SEMA3D: variants seen among roughly 807,000 people sequenced by gnomAD.
The protein encoded by SEMA3D is semaphorin-3D.
SEMA3D carries 84 observed loss-of-function variants against 100.1 expected under a neutral mutation model. The observed-to-expected ratio is 0.84, with a 90% confidence interval of 0.70 to 1.01. SEMA3D has a LOEUF of 1.01. Ranked by LOEUF, SEMA3D falls within the 50% of genes least tolerant of loss-of-function variation. The probability of loss-of-function intolerance (pLI) is 0.00; values close to 1 mark genes in which losing one functional copy is unlikely to be tolerated. For synonymous variants in SEMA3D, 312 were observed against 320.7 expected, an observed-to-expected ratio of 0.97 and a Z score of 0.29; for missense variants, 875 against 934.1, an observed-to-expected ratio of 0.94 and a Z score of 0.82.
intron 3 of SEMA3D, among the ~76,000 whole-genome samples, chr7:85,118,473 T>G (rs1307664124): frequency 6.6e-6 from 1 of 152,062 alleles, no homozygotes; most frequent in Non-Finnish European, 1.5e-5. Context: ...TGGGTTTTCT[T>G]ATTTTAAAAA....
the SEMA3D span, among the ~76,000 whole-genome samples, chr7:85,233,697 G>A: frequency 1.3e-5 from 2 of 152,158 alleles, no homozygotes; most frequent in Non-Finnish European, 2.9e-5. Flanking sequence ...AGATCAGTCT[G>A]GTTTTACTAG....
At chr7:85,162,534 A>G (rs964301047) in intron 1 of SEMA3D, among the ~76,000 whole-genome samples, 3 of 152,168 alleles carry the variant, frequency 2.0e-5, no homozygotes, top group Admixed American at 2.0e-4. Context: ...GACATGTCAT[A>G]GTTGATTAAA....
chr7:85,023,887 T>C (rs57608741), intron 12 of SEMA3D, among the ~76,000 whole-genome samples: 7,902 of 151,990 alleles, frequency 0.052, 693 homozygotes, highest in African/African-American at 0.18. Flanking sequence ...AATATCTTTA[T>C]CTTTAACAAA....
chr7:85,002,171 A>C (rs1789672156), intron 18 of SEMA3D, among the ~76,000 whole-genome samples: 1 of 151,986 alleles, frequency 6.6e-6, no homozygotes, highest in African/African-American at 2.4e-5. Flanking sequence ...AGGACTCAGG[A>C]TTCCATAAAC....
chr7:85,054,235 A>G (rs78157024), intron 9 of SEMA3D, among the ~76,000 whole-genome samples: 1 of 152,032 alleles, frequency 6.6e-6, no homozygotes, highest in Non-Finnish European at 1.5e-5. Context: ...ATATATATTT[A>G]CTTGCTATAT....
At chr7:85,192,120 A>G in the SEMA3D span, among the ~76,000 whole-genome samples, 2 of 152,114 alleles carry the variant, frequency 1.3e-5, no homozygotes, top group African/African-American at 2.4e-5. Flanking sequence ...TAGGATGTAA[A>G]AAGTGTGTTA....
chr7:85,048,920 T>A (rs1791082065), intron 9 of SEMA3D, among the ~76,000 whole-genome samples: 1 of 151,806 alleles, frequency 6.6e-6, no homozygotes, highest in South Asian at 2.1e-4. Context: ...GCAACTTAAA[T>A]TATAAGCATT....
intron 6 of SEMA3D, among the ~76,000 whole-genome samples, chr7:85,069,667 T>C (rs1293558006): frequency 2.0e-5 from 3 of 152,040 alleles, no homozygotes; most frequent in South Asian, 2.1e-4. Flanking sequence ...CAGATGGAAA[T>C]ATGGGCAGAG....
intron 4 of SEMA3D, among the ~76,000 whole-genome samples, chr7:85,095,803 C>T (rs984613185): frequency 1.3e-5 from 2 of 151,942 alleles, no homozygotes; most frequent in Admixed American, 6.6e-5. Context: ...TGTATTCAAA[C>T]AACTTTATTT....
At chr7:85,205,156 G>A in the SEMA3D span, among the ~76,000 whole-genome samples, 29 of 151,758 alleles carry the variant, frequency 1.9e-4, 1 homozygote, top group East Asian at 4.5e-3. Context: ...CATTATTGAC[G>A]TGTTTGAGTT....
chr7:85,237,216 C>G, the SEMA3D span, among the ~76,000 whole-genome samples: 6 of 152,086 alleles, frequency 3.9e-5, no homozygotes, highest in Non-Finnish European at 8.8e-5. Flanking sequence ...TTCTAAACAC[C>G]ACAACCTTCC....
At chr7:85,055,374 G>T (rs187457106) in intron 9 of SEMA3D, among the ~76,000 whole-genome samples, 131 of 151,938 alleles carry the variant, frequency 8.6e-4, no homozygotes, top group African/African-American at 3.0e-3. Flanking sequence ...ACTGGCAAAA[G>T]AATAGACCTT....
At chr7:85,027,665 G>A (rs1398630382) in intron 12 of SEMA3D, among the ~76,000 whole-genome samples, 3 of 151,974 alleles carry the variant, frequency 2.0e-5, no homozygotes, top group Non-Finnish European at 2.9e-5. Flanking sequence ...TGGAAGACAG[G>A]AAGAAGGAGG....
chr7:85,202,033 T>A, the SEMA3D span, among the ~76,000 whole-genome samples: 1 of 151,568 alleles, frequency 6.6e-6, no homozygotes, highest in Admixed American at 6.6e-5. Flanking sequence ...TCTCTCTCTC[T>A]CTTTTTATTT....
Position 85,055,933 on chromosome 7 carries a change from C to A in SEMA3D, c.719-74G>T, listed in dbSNP as rs10226229. 7,868 of 800,064 alleles carry A rather than the reference C, an allele frequency of 9.8e-3. 500 individuals are homozygous for A. The African/African-American group carries it at 0.13, about 13-fold the overall frequency. 49.6% of individuals were successfully genotyped at this position (800,064 alleles called of 1,614,324 possible). A position where few individuals can be genotyped will look rare whatever the true frequency, so the allele number is the denominator to read the frequency against. Reference sequence around the variant, plus strand: ...TCATCATAGTTTGATGATATTTCCACGTAAAAGCAATTAGCAGTAGAATTT... The same window carrying A: ...TCATCATAGTTTGATGATATTTCCAAGTAAAAGCAATTAGCAGTAGAATTT... On this transcript the variant is annotated intron_variant, in intron 8 of 18. Coordinates refer to ENST00000284136, the MANE Select transcript of SEMA3D (RefSeq NM_001384900.1).
At chr7:85,128,797 C>G (rs1434846026) in intron 2 of SEMA3D, among the ~76,000 whole-genome samples, 1 of 150,336 alleles carries the variant, frequency 6.7e-6, no homozygotes, top group African/African-American at 2.4e-5. Flanking sequence ...GCTCCATGGT[C>G]TCTGTATCAG....
intron 1 of SEMA3D, among the ~76,000 whole-genome samples, chr7:85,185,683 T>A (rs760274519): frequency 6.6e-6 from 1 of 152,168 alleles, no homozygotes; most frequent in Non-Finnish European, 1.5e-5. Flanking sequence ...CTCCTCCTCC[T>A]GTCAACTTCC....
At chr7:85,117,186 G>A (rs1789267359) in intron 3 of SEMA3D, among the ~76,000 whole-genome samples, 1 of 152,076 alleles carries the variant, frequency 6.6e-6, no homozygotes. Context: ...CCAAACTACC[G>A]AAGTGAAAAG....
intron 2 of SEMA3D, among the ~76,000 whole-genome samples, chr7:85,132,029 T>C (rs1789738002): frequency 6.6e-6 from 1 of 151,938 alleles, no homozygotes; most frequent in Non-Finnish European, 1.5e-5. Context: ...TTTAGATAGT[T>C]AATTAAAATA....
Sources: allele counts gnomAD v4.1 joint callset (sites outside exome capture counted in the v4.1 genomes callset), GRCh38; gene constraint gnomAD v4.1.1; transcripts MANE v1.5; gene names NCBI Gene and HGNC (gene_info 2026-07-23, HGNC 2026-07-21).